The following LINGO2 variants were observed in gnomAD, a reference collection of about 807,000 sequenced individuals.
LINGO2 encodes leucine-rich repeat and immunoglobulin-like domain-containing nogo receptor-interacting protein 2.
LINGO2 carries 14 observed loss-of-function variants against 30.6 expected under a neutral mutation model. The observed-to-expected ratio is 0.46, with a 90% CI of 0.30 to 0.72. LINGO2 has a LOEUF of 0.72. Among genes scored for constraint, LINGO2 ranks in the 30% least tolerant of loss-of-function variants. The pLI is 0.07. For missense variants in LINGO2, 729 were observed against 751.7 expected (o/e 0.97, Z 0.35); for synonymous variants, 317 against 288.5 (o/e 1.10, Z -1.00).
rs191062880 is a variant in LINGO2 at position 28,445,992 on chromosome 9, T to A, written c.-279+29948A>T. On this transcript the variant is annotated intron_variant, in intron 2 of 5. Transcript: ENST00000379992. The stretch of plus-strand genomic sequence containing the variant: ...TCTGTGCAAATGGTTACAAAGTAAT[T>A]TGAGGATATATATCACAATTTTGAT... Among the ~76,000 whole-genome samples, 211 of 152,298 alleles carry A rather than the reference T, an allele frequency of 1.4e-3. 3 individuals are homozygous for A. Among genetic ancestry groups the A allele is most frequent in the African/African-American group, 4.8e-3 (200 of 41,558 alleles).
intron 4 of LINGO2, among the ~76,000 whole-genome samples, chr9:28,287,208 A>G (rs919315799): frequency 6.6e-6 from 1 of 152,216 alleles, no homozygotes; most frequent in African/African-American, 2.4e-5. Context: ...ACATGACTCA[A>G]TCATACAAAA....
chr9:28,513,034 T>C (rs1309468442), intron 1 of LINGO2, among the ~76,000 whole-genome samples: 1 of 151,330 alleles, frequency 6.6e-6, no homozygotes, highest in Admixed American at 6.6e-5. Flanking sequence ...CCAAGATCAA[T>C]ACTTTGTAAC....
the LINGO2 span, among the ~76,000 whole-genome samples, chr9:28,694,076 C>T: frequency 6.6e-6 from 1 of 151,614 alleles, no homozygotes; most frequent in Non-Finnish European, 1.5e-5. Context: ...CTTCTGCGGT[C>T]CAGTTAAAAA....
chr9:29,062,804 A>G, the LINGO2 span, among the ~76,000 whole-genome samples: 2 of 152,172 alleles, frequency 1.3e-5, no homozygotes, highest in Admixed American at 1.3e-4. Context: ...TATAAAGAAA[A>G]TAAGCATGAT....
At chr9:28,519,133 A>T (rs969642127) in intron 1 of LINGO2, among the ~76,000 whole-genome samples, 29 of 152,102 alleles carry the variant, frequency 1.9e-4, no homozygotes, top group African/African-American at 6.8e-4. Flanking sequence ...CTTGGGCTCA[A>T]GTGATTCTCC....
the LINGO2 span, among the ~76,000 whole-genome samples, chr9:29,047,539 A>G: frequency 6.6e-6 from 1 of 152,166 alleles, no homozygotes; most frequent in African/African-American, 2.4e-5. Context: ...AGAAAAACTG[A>G]AAGACTTTCC....
chr9:28,163,128 G>A (rs1048232642), intron 4 of LINGO2, among the ~76,000 whole-genome samples: 2 of 152,148 alleles, frequency 1.3e-5, no homozygotes, highest in Non-Finnish European at 2.9e-5. Flanking sequence ...AACAACTCCA[G>A]CAGGAGTGTG....
intron 4 of LINGO2, among the ~76,000 whole-genome samples, chr9:28,251,696 A>C (rs1446007946): frequency 6.6e-6 from 1 of 151,098 alleles, no homozygotes; most frequent in Non-Finnish European, 1.5e-5. Flanking sequence ...TTGGCAGAAA[A>C]TTTTACTTTT....
intron 4 of LINGO2, among the ~76,000 whole-genome samples, chr9:28,250,667 AC>A (rs1282963105): frequency 6.6e-6 from 1 of 152,198 alleles, no homozygotes; most frequent in East Asian, 1.9e-4. Flanking sequence ...ATAACAAAGC[AC>A]CCTAACCCCT....
the LINGO2 span, among the ~76,000 whole-genome samples, chr9:28,966,556 C>T: frequency 0.65 from 98,726 of 151,940 alleles, 32,752 homozygotes; most frequent in Non-Finnish European, 0.72. Context: ...ATATGTAGTA[C>T]TATTACTCCT....
chr9:28,726,477 G>T, the LINGO2 span, among the ~76,000 whole-genome samples: 1 of 151,754 alleles, frequency 6.6e-6, no homozygotes, highest in Non-Finnish European at 1.5e-5. Flanking sequence ...TAAATATGAA[G>T]AAAAAAATAA....
chr9:28,215,457 C>T (rs1466897782), intron 4 of LINGO2, among the ~76,000 whole-genome samples: 1 of 151,764 alleles, frequency 6.6e-6, no homozygotes, highest in Non-Finnish European at 1.5e-5. Flanking sequence ...AATCTATGCT[C>T]ATTTGCACAT....
chr9:28,683,540 T>C, the LINGO2 span, among the ~76,000 whole-genome samples: 1 of 152,162 alleles, frequency 6.6e-6, no homozygotes, highest in African/African-American at 2.4e-5. Flanking sequence ...TATTATTACA[T>C]TTATCTTATT....
intron 3 of LINGO2, among the ~76,000 whole-genome samples, chr9:28,301,653 T>C (rs892847148): frequency 1.3e-5 from 2 of 152,202 alleles, no homozygotes; most frequent in African/African-American, 2.4e-5. Flanking sequence ...ATGTAAAACA[T>C]TTATTTCTCT....
intron 4 of LINGO2, among the ~76,000 whole-genome samples, chr9:28,215,909 T>C (rs1459704864): frequency 6.6e-6 from 1 of 151,794 alleles, no homozygotes; most frequent in Non-Finnish European, 1.5e-5. Flanking sequence ...AGAGAAAGAA[T>C]AAAGAAGCAA....
chr9:28,848,416 T>C, the LINGO2 span, among the ~76,000 whole-genome samples: 3,332 of 130,468 alleles, frequency 0.026, 206 homozygotes, highest in African/African-American at 0.096. Flanking sequence ...TATATATATA[T>C]ATATATATAT....
intron 1 of LINGO2, among the ~76,000 whole-genome samples, chr9:28,652,480 A>G (rs1460578548): frequency 6.6e-6 from 1 of 152,150 alleles, no homozygotes; most frequent in Non-Finnish European, 1.5e-5. Flanking sequence ...GGAATGCACC[A>G]CTACAGAGAT....
At chr9:28,045,103 CTT>C (rs764589526) in intron 4 of LINGO2, among the ~76,000 whole-genome samples, 5 of 152,050 alleles carry the variant, frequency 3.3e-5, no homozygotes, top group African/African-American at 1.2e-4. Flanking sequence ...AAAATTGAGA[CTT>C]TTTCCCCCCC....
chr9:28,685,658 T>G, the LINGO2 span, among the ~76,000 whole-genome samples: 1 of 152,154 alleles, frequency 6.6e-6, no homozygotes, highest in African/African-American at 2.4e-5. Flanking sequence ...GAATAACTCC[T>G]TTATCTTTGA....
Sources: gnomAD v4.1 joint callset for allele counts (sites outside exome capture counted in the v4.1 genomes callset) on GRCh38, gnomAD v4.1.1 for gene constraint, MANE v1.5 for transcripts, NCBI Gene and HGNC (gene_info 2026-07-23, HGNC 2026-07-21) for gene names.